Variants in UBFD1 observed in about 807,000 individuals in gnomAD.
UBFD1 encodes the protein ubiquitin family domain containing 1.
Under a neutral mutation model 35.1 loss-of-function variants are expected in UBFD1, and 12 were observed. That is an observed-to-expected ratio of 0.34 (90% CI 0.22 to 0.55). The LOEUF (loss-of-function observed/expected upper bound fraction) is 0.55. Ranked by LOEUF, UBFD1 falls within the 20% of genes least tolerant of loss-of-function variation. The pLI is 0.89. For missense variants in UBFD1, 337 were observed against 410.8 expected (o/e 0.82, Z 1.55); for synonymous variants, 178 against 167.6 (o/e 1.06, Z -0.48).
chr16:23,560,309 A>G (rs1021221565), intron 3 of UBFD1, among the ~76,000 whole-genome samples: 1 of 152,230 alleles, frequency 6.6e-6, no homozygotes, highest in African/African-American at 2.4e-5. Context: ...GTAACGAGGA[A>G]AAGTGAGATT....
At position 23,571,589 on chromosome 16, in the gene UBFD1, T is replaced by G. The variant is rs1320401994; in HGVS notation, c.*999T>G. ...TAGCTGCAGATCCAGATAACCTTCT[T>G]TCTTTGGAAGTTTTCAAGAAATTCT... On this transcript the variant is annotated 3_prime_UTR_variant, in exon 7 of 7. Transcript: ENST00000395878. 3.3e-5 allele frequency: 5 copies of G among 152,638 alleles called. No individual in the cohort carries two copies. The highest frequency in any genetic ancestry group is 5.9e-5 in the Non-Finnish European group (4 of 68,046). The allele number at this position is 152,638 out of a possible 1,614,324, so 9.5% of individuals were successfully genotyped here.
At chr16:23,565,758 T>C (rs1405257097) in intron 5 of UBFD1, 3 of 152,288 alleles carry the variant, frequency 2.0e-5, no homozygotes, top group Non-Finnish European at 2.9e-5. Context: ...GGCCAACTTA[T>C]CTATTTTTAG....
intron 5 of UBFD1, among the ~76,000 whole-genome samples, chr16:23,563,532 C>T (rs1044083153): frequency 6.6e-6 from 1 of 152,340 alleles, no homozygotes; most frequent in South Asian, 2.1e-4. Context: ...TCCCAAGCAT[C>T]TTTAAACTTG....
chr16:23,557,943 C>T lies in UBFD1; in HGVS notation c.26-7C>T, dbSNP rs113508343. On this transcript the variant is annotated splice_region_variant and splice_polypyrimidine_tract_variant and intron_variant, in intron 1 of 6. Coordinates refer to ENST00000395878, the MANE Select transcript of UBFD1 (RefSeq NM_019116.3). ...CGGCGAGCGCCCACCCCCTAACCCCCTTGCAGGCATGGAGGAACCTGGCAT... is the reference window on the plus strand; with the variant it reads ...CGGCGAGCGCCCACCCCCTAACCCCTTTGCAGGCATGGAGGAACCTGGCAT... 21 of 1,344,252 alleles carry T rather than the reference C, an allele frequency of 1.6e-5. No individual in the cohort carries two copies. The highest frequency in any genetic ancestry group is 5.2e-5 in the South Asian group (2 of 38,190). 83.3% of individuals were successfully genotyped at this position (1,344,252 alleles called of 1,614,324 possible). A position where few individuals can be genotyped will look rare whatever the true frequency, so the allele number is the denominator to read the frequency against.
In UBFD1 at chr16:23,572,433, A is replaced by T. The variant is rs1966097941; in HGVS notation, c.*1843A>T. 1 of 152,348 alleles carries T rather than the reference A, an allele frequency of 6.6e-6. No homozygotes were observed. Among genetic ancestry groups the T allele is most frequent in the African/African-American group, 2.4e-5 (1 of 41,442 alleles). The allele number at this position is 152,348 out of a possible 1,614,324, so 9.4% of individuals were successfully genotyped here. A position where few individuals can be genotyped will look rare whatever the true frequency, so the allele number is the denominator to read the frequency against. ...GGGGAAATGAGATGCATTAAGTAGA[A>T]CATCATCTCGGGTCAGACATTGCCC... On this transcript the variant is annotated 3_prime_UTR_variant, in exon 7 of 7. Transcript: ENST00000395878.
chr16:23,559,962 C>T (rs902088630), intron 3 of UBFD1: 12 of 1,272,182 alleles, frequency 9.4e-6, no homozygotes, highest in African/African-American at 9.0e-5. Context: ...GTGGGTTTCT[C>T]TCTCTTATTT....
intron 2 of UBFD1, 72 bp downstream of exon 2, chr16:23,558,351 C>G: frequency 1.9e-6 from 3 of 1,542,240 alleles, no homozygotes; most frequent in Non-Finnish European, 2.6e-6. Context: ...CTACTAGGCA[C>G]CTGGTGGCTT....
In UBFD1 at chr16:23,570,722, G is replaced by A. The variant is rs1966071806; in HGVS notation, c.*132G>A. 1 of 669,396 alleles carries A rather than the reference G, an allele frequency of 1.5e-6. No individual in the cohort carries two copies. Among genetic ancestry groups the A allele is most frequent in the Non-Finnish European group, 2.5e-6 (1 of 403,798 alleles). 41.5% of individuals were successfully genotyped at this position (669,396 alleles called of 1,614,324 possible). ...AAATCTATATTCAATCTGAGGTGAT[G>A]TGGTGACTGAAGCCAGAGGTGATGT... On this transcript the variant is annotated 3_prime_UTR_variant, in exon 7 of 7. Transcript: ENST00000395878.
chr16:23,562,774 G>A, intron 5 of UBFD1, 44 bp downstream of exon 5: 3 of 1,537,232 alleles, frequency 2.0e-6, no homozygotes, highest in Non-Finnish European at 2.7e-6. Flanking sequence ...GCCTGCCTCT[G>A]GCACCCAGCA....
chr16:23,558,349 C>T, intron 2 of UBFD1, 70 bp downstream of exon 2: 2 of 1,543,844 alleles, frequency 1.3e-6, no homozygotes, highest in South Asian at 1.2e-5. Context: ...CCCTACTAGG[C>T]ACCTGGTGGC....
Position 23,562,636 on chromosome 16 carries a change from A to G in UBFD1, c.642A>G (p.Pro214=), listed in dbSNP as rs147470009. ...TCTCGTGCCTTCAGGAGCGCCTGCC[A>G]ACGGTACCGCTGTCCGGCATGTACA... ...PSVKGAQERL[P]TVPLSGMYNK... is the part of the protein sequence containing the mutation. Residue 214 remains proline, a synonymous_variant, in exon 5 of 7, where the codon CCA becomes CCG. Transcript: ENST00000395878. The G allele has an allele frequency of 3.8e-4, 619 of 1,613,820 alleles. No homozygotes were observed. The African/African-American group carries it at 6.2e-3, about 16-fold the overall frequency.
intron 2 of UBFD1, chr16:23,558,927 C>G (rs1965879114): frequency 6.5e-6 from 1 of 152,926 alleles, no homozygotes; most frequent in South Asian, 2.0e-4. Flanking sequence ...ATTACAGGTG[C>G]CCGCTACCCC....
At chr16:23,562,587 C>T (rs1255469040) in intron 4 of UBFD1, 38 bp from the exon 5 acceptor site, 2 of 1,590,574 alleles carry the variant, frequency 1.3e-6, no homozygotes, top group Admixed American at 3.5e-5. Flanking sequence ...TTTTTTCTGA[C>T]TGTCCCTCCA....
chr16:23,558,282 A>G lies in UBFD1; in HGVS notation c.355+3A>G. ...ACAGAAGATCCACTCGATTACAGGT[A>G]ATTCCTGTGGCGCTGACAGCCAGTC... On this transcript the variant is annotated splice_donor_region_variant and intron_variant, in intron 2 of 6. Transcript: ENST00000395878. 1 of 1,594,002 alleles carries G rather than the reference A, an allele frequency of 6.3e-7. No homozygotes were observed. Among genetic ancestry groups the G allele is most frequent in the Non-Finnish European group, 8.5e-7 (1 of 1,171,002 alleles).
chr16:23,562,830 C>T, intron 5 of UBFD1, 100 bp downstream of exon 5: 2 of 997,932 alleles, frequency 2.0e-6, no homozygotes, highest in South Asian at 2.7e-5. Context: ...TCTGAAACCT[C>T]TCTCTCCACT....
intron 5 of UBFD1, 150 bp downstream of exon 5, chr16:23,562,880 T>TG: frequency 1.4e-6 from 1 of 712,268 alleles, no homozygotes; most frequent in South Asian, 1.6e-5. Context: ...TGCTTTTAGA[T>TG]GCTCGCCTTT....
At chr16:23,567,996 T>G (rs930223703) in intron 6 of UBFD1, among the ~76,000 whole-genome samples, 1 of 152,248 alleles carries the variant, frequency 6.6e-6, no homozygotes, top group South Asian at 2.1e-4. Flanking sequence ...GCTTAAAATA[T>G]GGTGGGCAAG....
At chr16:23,569,163 T>A (rs1005968925) in intron 6 of UBFD1, 1 of 152,230 alleles carries the variant, frequency 6.6e-6, no homozygotes, top group Admixed American at 6.5e-5. Context: ...GTTATCTCTT[T>A]GGGCAGATGC....
At position 23,557,930 on chromosome 16, in the gene UBFD1, A is replaced by G. The variant is rs1300996235; in HGVS notation, c.26-20A>G. 3.1e-6 allele frequency: 4 copies of G among 1,307,890 alleles called. No homozygotes were observed. The Admixed American group carries it at 1.4e-4, about 46-fold the overall frequency. The allele number at this position is 1,307,890 out of a possible 1,614,324, so 81.0% of individuals were successfully genotyped here. A position where few individuals can be genotyped will look rare whatever the true frequency, so the allele number is the denominator to read the frequency against. ...CAAGCCCAGCCCGCGGCGAGCGCCC[A>G]CCCCCTAACCCCCTTGCAGGCATGG... On this transcript the variant is annotated intron_variant, in intron 1 of 6. Transcript: ENST00000395878.
Sources: allele counts gnomAD v4.1 joint callset (sites outside exome capture counted in the v4.1 genomes callset), GRCh38; gene constraint gnomAD v4.1.1; transcripts MANE v1.5; gene names NCBI Gene and HGNC (gene_info 2026-07-23, HGNC 2026-07-21).